The following RGS7 variants were observed in gnomAD, a reference collection of about 807,000 sequenced individuals.
The protein encoded by RGS7 is regulator of G-protein signaling 7.
RGS7 carries 27 observed loss-of-function variants against 81.1 expected under a neutral mutation model. The ratio of observed to expected loss-of-function variants is 0.33; its 90% CI spans 0.25 to 0.46. The LOEUF is 0.46. RGS7 is among the 20% of genes least tolerant of loss of function. The probability of loss-of-function intolerance (pLI) is 1.00; values close to 1 mark genes in which losing one functional copy is unlikely to be tolerated. For missense variants in RGS7, 396 were observed against 607.4 expected (o/e 0.65, Z 3.66); for synonymous variants, 208 against 207.7 (o/e 1.00, Z -0.01).
chr1:241,294,529 A>G lies in RGS7; in HGVS notation c.78+61170T>C, dbSNP rs534093963. 1.8e-3 allele frequency among the ~76,000 whole-genome samples: 273 copies of G among 152,362 alleles called. 1 individual carries two copies. The highest frequency in any genetic ancestry group is 3.5e-3 in the Admixed American group (53 of 15,306). ...TTATTATTGAAGAAAAGGAAATTTTAAAAATAAATTTAGTATCGCCTAAGT... is the reference window on the plus strand; with the variant it reads ...TTATTATTGAAGAAAAGGAAATTTTGAAAATAAATTTAGTATCGCCTAAGT... On this transcript the variant is annotated intron_variant, in intron 2 of 18. Transcript: ENST00000440928.
chr1:241,245,161 T>C (rs1206834775), intron 2 of RGS7, among the ~76,000 whole-genome samples: 1 of 152,102 alleles, frequency 6.6e-6, no homozygotes, highest in Non-Finnish European at 1.5e-5. Context: ...GTGATATAAT[T>C]TGGATTTGTG....
At chr1:241,074,223 G>A (rs142685237) in intron 3 of RGS7, among the ~76,000 whole-genome samples, 3 of 152,278 alleles carry the variant, frequency 2.0e-5, no homozygotes, top group Admixed American at 6.5e-5. Context: ...TTAATTTTAA[G>A]AGGAACAATG....
In RGS7 at chr1:241,249,009, T is replaced by C. The variant is rs553490990; in HGVS notation, c.78+106690A>G. Among the ~76,000 whole-genome samples the C allele has an allele frequency of 3.9e-5, 6 of 152,354 alleles. No individual in the cohort carries two copies. In the South Asian group the frequency reaches 1.0e-3, roughly 26 times the overall value. On this transcript the variant is annotated intron_variant, in intron 2 of 18. Coordinates refer to ENST00000440928, the MANE Select transcript of RGS7 (RefSeq NM_001364886.1). Reference sequence around the variant, plus strand: ...ATTGTGTTGTCATTTGTATAGTCTATATACAAGTGCTTTGTTGGATATGTA... The same window carrying C: ...ATTGTGTTGTCATTTGTATAGTCTACATACAAGTGCTTTGTTGGATATGTA...
chr1:240,799,009 T>C (rs1687552065), intron 18 of RGS7, among the ~76,000 whole-genome samples: 1 of 152,152 alleles, frequency 6.6e-6, no homozygotes, highest in Non-Finnish European at 1.5e-5. Flanking sequence ...ATTGATCCTA[T>C]AAAGGTGTCT....
intron 2 of RGS7, among the ~76,000 whole-genome samples, chr1:241,296,677 T>C (rs2148479185): frequency 6.6e-6 from 1 of 152,352 alleles, no homozygotes; most frequent in East Asian, 1.9e-4. Context: ...ACTTTAACTC[T>C]GCCCAGCACT....
chr1:240,890,186 C>T (rs1163775193), intron 6 of RGS7, among the ~76,000 whole-genome samples: 1 of 152,168 alleles, frequency 6.6e-6, no homozygotes, highest in Admixed American at 6.6e-5. Flanking sequence ...CGGAGTCTCG[C>T]TCTGTCACCA....
At chr1:241,111,731 G>A (rs982288647) in intron 2 of RGS7, among the ~76,000 whole-genome samples, 8 of 152,128 alleles carry the variant, frequency 5.3e-5, no homozygotes, top group African/African-American at 1.9e-4. Context: ...ACAACTCCAG[G>A]ACTGATGGTG....
intron 2 of RGS7, among the ~76,000 whole-genome samples, chr1:241,299,223 C>T (rs559139223): frequency 1.6e-4 from 24 of 152,100 alleles, no homozygotes; most frequent in Non-Finnish European, 2.4e-4. Context: ...TTCAAGTTTC[C>T]CTTTCTCACT....
chr1:241,151,933 C>G (rs1233441035), intron 2 of RGS7, among the ~76,000 whole-genome samples: 1 of 152,080 alleles, frequency 6.6e-6, no homozygotes, highest in Non-Finnish European at 1.5e-5. Context: ...CATGTGCTTC[C>G]TCTCTTGTAG....
intron 2 of RGS7, among the ~76,000 whole-genome samples, chr1:241,152,963 T>G (rs935817219): frequency 2.0e-5 from 3 of 152,222 alleles, no homozygotes; most frequent in Non-Finnish European, 2.9e-5. Flanking sequence ...TTACTGATAT[T>G]GACTGATCAG....
chr1:241,207,254 C>T (rs1337659714), intron 2 of RGS7, among the ~76,000 whole-genome samples: 1 of 151,316 alleles, frequency 6.6e-6, no homozygotes, highest in Non-Finnish European at 1.5e-5. Flanking sequence ...TTCTTTCTCT[C>T]TCTCTCTTTC....
chr1:240,868,865 C>T lies in RGS7; in HGVS notation c.451-13G>A, dbSNP rs1383353410. The T allele has an allele frequency of 6.2e-7, 1 of 1,613,240 alleles. No homozygotes were observed. The highest frequency in any genetic ancestry group is 8.5e-7 in the Non-Finnish European group (1 of 1,179,352). Reference sequence around the variant, plus strand: ...TGGCCAGGCTCTCCTGAAAAACATACCCCAGGTGAAGACATTTGGTGTTCA... The same window carrying T: ...TGGCCAGGCTCTCCTGAAAAACATATCCCAGGTGAAGACATTTGGTGTTCA... On this transcript the variant is annotated splice_polypyrimidine_tract_variant and intron_variant, in intron 7 of 18. Coordinates refer to ENST00000440928, the MANE Select transcript of RGS7 (RefSeq NM_001364886.1). The surrounding 1 kb of genome is among the most constrained non-coding windows in gnomAD (Gnocchi z 5.1).
chr1:241,269,965 C>G (rs1345981102), intron 2 of RGS7, among the ~76,000 whole-genome samples: 1 of 152,204 alleles, frequency 6.6e-6, no homozygotes, highest in African/African-American at 2.4e-5. Flanking sequence ...AACCTCATTA[C>G]TTTTGGCAGT....
rs975188173 is a variant in RGS7, at chr1:241,118,869, T to C, written c.79-20107A>G. ...ACACATAGACATAAAGATGAAAATA[T>C]AATAGATACTGAGGACTCCAAAAGG... On this transcript the variant is annotated intron_variant, in intron 2 of 18. Transcript: ENST00000440928. Among the ~76,000 whole-genome samples, 31 of 152,230 alleles carry C rather than the reference T, an allele frequency of 2.0e-4. 1 individual carries two copies. Among genetic ancestry groups the C allele is most frequent in the Admixed American group, 3.3e-4 (5 of 15,290 alleles).
intron 2 of RGS7, among the ~76,000 whole-genome samples, chr1:241,102,194 C>A (rs1306010766): frequency 6.6e-6 from 1 of 151,986 alleles, no homozygotes; most frequent in Non-Finnish European, 1.5e-5. Context: ...GAGACAAAAA[C>A]AAACAAAAGA....
At chr1:241,273,185 C>CCG (rs1553305839) in intron 2 of RGS7, among the ~76,000 whole-genome samples, 8 of 133,342 alleles carry the variant, frequency 6.0e-5, no homozygotes, top group Middle Eastern at 3.6e-3. Flanking sequence ...ACCCCCCCCC[C>CCG]CAAAGGATAC....
intron 3 of RGS7, among the ~76,000 whole-genome samples, chr1:241,072,331 GCT>G (rs1011555891): frequency 2.0e-5 from 3 of 152,202 alleles, no homozygotes; most frequent in Admixed American, 2.0e-4. Context: ...TGGGCAGAAT[GCT>G]CTGTTTTCCT....
chr1:240,799,706 C>T (rs73117815), intron 18 of RGS7, among the ~76,000 whole-genome samples: 1 of 152,162 alleles, frequency 6.6e-6, no homozygotes, highest in African/African-American at 2.4e-5. Context: ...TCTACCACCA[C>T]AGATAAGCAA....
At chr1:240,863,202 G>A (rs1195056901) in intron 9 of RGS7, among the ~76,000 whole-genome samples, 5 of 152,230 alleles carry the variant, frequency 3.3e-5, no homozygotes, top group African/African-American at 9.6e-5. Flanking sequence ...GGCCGGGCAC[G>A]GTGGCTCATG....
Sources: allele counts gnomAD v4.1 joint callset (sites outside exome capture counted in the v4.1 genomes callset), GRCh38; gene constraint gnomAD v4.1.1; non-coding constraint Gnocchi (gnomAD v3.1); transcripts MANE v1.5; gene names NCBI Gene and HGNC (gene_info 2026-07-23, HGNC 2026-07-21).